BTAF1: variants seen among roughly 807,000 people sequenced by gnomAD.
The protein encoded by BTAF1 is TATA-binding protein-associated factor 172.
BTAF1 carries 38 observed loss-of-function variants against 227.1 expected under a neutral mutation model. The ratio of observed to expected loss-of-function variants is 0.17; its 90% CI spans 0.13 to 0.22. BTAF1 has a LOEUF of 0.22. Among genes scored for constraint, BTAF1 ranks in the 10% least tolerant of loss-of-function variants. BTAF1 has a pLI of 1.00. For synonymous variants in BTAF1, 742 were observed against 751.9 expected (o/e 0.99, Z 0.21); for missense variants, 1,598 against 2,204.0 (o/e 0.73, Z 5.51).
At chr10:91,948,944 A>C (rs1007111711) in intron 4 of BTAF1, among the ~76,000 whole-genome samples, 5 of 152,036 alleles carry the variant, frequency 3.3e-5, no homozygotes, top group African/African-American at 4.8e-5. Flanking sequence ...TTCTCTACCA[A>C]GGTATCCTAT....
rs1189043943 is a variant in BTAF1, at chr10:91,924,109, G to A, written c.14+19G>A. ...TCTCCAGGTGGGTCTTGCTCCTGAC[G>A]AGCAAACTGGAAGGCGATTCAGGGA... is the stretch of plus-strand genomic sequence containing the variant. On this transcript the variant is annotated intron_variant, in intron 1 of 37. Transcript: ENST00000265990. The A allele has an allele frequency of 6.2e-7, 1 of 1,605,996 alleles. No homozygotes were observed. Among genetic ancestry groups the A allele is most frequent in the Admixed American group, 1.7e-5 (1 of 59,128 alleles).
In BTAF1 at chr10:92,026,673, C is replaced by T. The variant is rs1851538360; in HGVS notation, c.5157C>T (p.Asp1719=). ...GGLGLNLTGA[D]TVVFVEHDWN... is the part of the protein sequence containing the mutation. Reference sequence around the variant, plus strand: ...TGGGACTTAATTTGACAGGCGCTGACACAGTAGTATTTGTGGAGCATGACT... The same window carrying T: ...TGGGACTTAATTTGACAGGCGCTGATACAGTAGTATTTGTGGAGCATGACT... Residue 1719 remains aspartate (D), a synonymous_variant, in exon 36 of 38, where the codon GAC becomes GAT. Coordinates refer to ENST00000265990, the MANE Select transcript of BTAF1 (RefSeq NM_003972.3). 2 of 1,613,964 alleles carry T rather than the reference C, an allele frequency of 1.2e-6. No individual in the cohort carries two copies. The highest frequency in any genetic ancestry group is 8.5e-7 in the Non-Finnish European group (1 of 1,179,980).
At chr10:91,960,543 C>T (rs1404861807) in intron 11 of BTAF1, among the ~76,000 whole-genome samples, 3 of 150,332 alleles carry the variant, frequency 2.0e-5, no homozygotes, top group Non-Finnish European at 4.4e-5. Context: ...AAGTGTAAAG[C>T]AGACAATCTG....
intron 4 of BTAF1, among the ~76,000 whole-genome samples, chr10:91,943,575 CAA>C (rs1299925340): frequency 6.6e-6 from 1 of 152,052 alleles, no homozygotes; most frequent in African/African-American, 2.4e-5. Flanking sequence ...TAAAAAATGT[CAA>C]ATACTCATTT....
intron 2 of BTAF1, among the ~76,000 whole-genome samples, chr10:91,938,523 A>G (rs1564657354): frequency 6.6e-6 from 1 of 152,200 alleles, no homozygotes; most frequent in Non-Finnish European, 1.5e-5. Context: ...TGAAAAGACT[A>G]TTATTTCTCC....
chr10:91,981,478 A>G (rs1372420820), intron 15 of BTAF1, among the ~76,000 whole-genome samples, 165 bp from the exon 16 acceptor site: 2 of 152,108 alleles, frequency 1.3e-5, no homozygotes, highest in Non-Finnish European at 2.9e-5. Context: ...GCACAAACCT[A>G]TTAGAAAACA....
chr10:91,956,626 A>G lies in BTAF1; in HGVS notation c.800A>G (p.Asn267Ser), dbSNP rs746674674. ...AATGATTCCAAAGTCTTGATTGATA[A>G]TATTCCAGACAGCTCTTCCTTAATT... ...SANDSKVLID[N>S]IPDSSSLIEE... Residue 267 changes from asparagine (N) to serine (S), a missense_variant, in exon 7 of 38, where the codon AAT (asparagine) becomes AGT (serine). By Grantham distance (46) the Asn-to-Ser change is conservative (BLOSUM62 1). Coordinates refer to ENST00000265990, the MANE Select transcript of BTAF1 (RefSeq NM_003972.3). 3 of 1,609,906 alleles carry G rather than the reference A, an allele frequency of 1.9e-6. No individual in the cohort carries two copies. The highest frequency in any genetic ancestry group is 1.1e-5 in the South Asian group (1 of 90,444).
intron 25 of BTAF1, among the ~76,000 whole-genome samples, chr10:91,998,139 A>AAAAAG (rs1341647605): frequency 6.6e-6 from 1 of 151,234 alleles, no homozygotes; most frequent in African/African-American, 2.4e-5. Flanking sequence ...AAAAAAAAAA[A>AAAAAG]AAAAGAAAAG....
At chr10:91,969,494 T>C (rs773891934) in intron 14 of BTAF1, among the ~76,000 whole-genome samples, 5 of 152,210 alleles carry the variant, frequency 3.3e-5, no homozygotes, top group Admixed American at 1.3e-4. Flanking sequence ...ACTGTGGGAA[T>C]ATTGAGATAC....
chr10:92,004,732 A>G (rs1849765881), intron 25 of BTAF1, among the ~76,000 whole-genome samples: 1 of 152,162 alleles, frequency 6.6e-6, no homozygotes, highest in Admixed American at 6.5e-5. Context: ...CAGTCTCCCA[A>G]AGTGCTGGGA....
At chr10:91,963,992 G>A (rs780905331) in intron 12 of BTAF1, 85 bp from the exon 13 acceptor site, 1 of 1,454,556 alleles carries the variant, frequency 6.9e-7, no homozygotes, top group Non-Finnish European at 9.5e-7. Flanking sequence ...TGTTGAATCA[G>A]TAGTGACCCC....
chr10:91,998,127 CA>C (rs55642022), intron 25 of BTAF1, among the ~76,000 whole-genome samples: 88,313 of 99,552 alleles, frequency 0.89, 38,835 homozygotes, highest in Middle Eastern at 0.96. Context: ...GACTCCATCT[CA>C]AAAAAAAAAA....
At chr10:91,924,840 G>A (rs986272737) in intron 1 of BTAF1, among the ~76,000 whole-genome samples, 1 of 152,180 alleles carries the variant, frequency 6.6e-6, no homozygotes, top group African/African-American at 2.4e-5. Flanking sequence ...TTTTGTAAGC[G>A]GAATTTGGTG....
rs56214234 is a variant in BTAF1 at position 92,024,739 on chromosome 10, T to TGTTTTTTG, written c.4864-17_4864-16insGTTTTTTG. 11 of 1,566,784 alleles carry TGTTTTTTG rather than the reference T, an allele frequency of 7.0e-6. No homozygotes were observed. The highest frequency in any genetic ancestry group is 9.4e-6 in the Non-Finnish European group (11 of 1,164,204). On this transcript the variant is annotated splice_polypyrimidine_tract_variant and intron_variant, in intron 34 of 37. Transcript: ENST00000265990. ...TTATTGAACGCTTATGTAGTTTTTTTTTTTTTTCTTCCTAAGTTGCTGTTG... is the reference window on the plus strand; with the variant it reads ...TTATTGAACGCTTATGTAGTTTTTTTGTTTTTTGTTTTTTTCTTCCTAAGTTGCTGTTG...
intron 34 of BTAF1, among the ~76,000 whole-genome samples, chr10:92,019,293 T>A (rs1850954210): frequency 1.3e-5 from 2 of 152,254 alleles, no homozygotes; most frequent in Non-Finnish European, 2.9e-5. Flanking sequence ...ACTTTCTCTA[T>A]GAATTTGCCT....
rs547556593 is a variant in BTAF1 at position 91,996,482 on chromosome 10, A to G, written c.3423A>G (p.Thr1141=). 2.5e-6 allele frequency: 4 copies of G among 1,614,194 alleles called. No homozygotes were observed. The highest frequency in any genetic ancestry group is 2.2e-5 in the South Asian group (2 of 91,084). Residue 1141 remains threonine (T), a synonymous_variant, in exon 24 of 38, where the codon ACA becomes ACG. Coordinates refer to ENST00000265990, the MANE Select transcript of BTAF1 (RefSeq NM_003972.3). The stretch of plus-strand genomic sequence containing the variant: ...TGAGCAAAATAGCTACCATGGAAAC[A>G]ATGAATATTTTTTTGGAGAAGGTTC... ...GVMSKIATME[T]MNIFLEKVLP...
chr10:91,972,065 G>A (rs746895282), intron 14 of BTAF1, among the ~76,000 whole-genome samples: 6 of 151,890 alleles, frequency 4.0e-5, no homozygotes, highest in Non-Finnish European at 5.9e-5. Context: ...TGGAATTTTC[G>A]TTTCTACATG....
At chr10:91,938,988 A>AGG (rs1564657647) in intron 2 of BTAF1, among the ~76,000 whole-genome samples, 1 of 141,872 alleles carries the variant, frequency 7.0e-6, no homozygotes, top group African/African-American at 2.6e-5. Context: ...AAAAAAAAAA[A>AGG]AGGGGGGGGG....
intron 1 of BTAF1, among the ~76,000 whole-genome samples, chr10:91,933,680 G>T (rs1844416049): frequency 6.6e-6 from 1 of 152,188 alleles, no homozygotes; most frequent in African/African-American, 2.4e-5. Flanking sequence ...GTGACCTTCA[G>T]GTGTGGTATT....
Sources: gnomAD v4.1 joint callset for allele counts (sites outside exome capture counted in the v4.1 genomes callset) on GRCh38, gnomAD v4.1.1 for gene constraint, MANE v1.5 for transcripts, NCBI Gene and HGNC (gene_info 2026-07-23, HGNC 2026-07-21) for gene names.